CMKLR1: variants seen among roughly 807,000 people sequenced by gnomAD.
CMKLR1 encodes the protein chemerin chemokine-like receptor 1.
CMKLR1 carries 6 observed loss-of-function variants against 8.2 expected under a neutral mutation model. The observed-to-expected ratio is 0.73, with a 90% CI of 0.40 to 1.44. The LOEUF (loss-of-function observed/expected upper bound fraction) is 1.44. Among genes scored for constraint, CMKLR1 ranks in the 40% most tolerant of loss-of-function variants. The pLI is 0.02. For synonymous variants in CMKLR1, 178 were observed against 181.2 expected (o/e 0.98, Z 0.14); for missense variants, 429 against 478.0 (o/e 0.90, Z 0.96).
At chr12:108,300,173 C>G (rs1184411771) in intron 2 of CMKLR1, among the ~76,000 whole-genome samples, 1 of 152,224 alleles carries the variant, frequency 6.6e-6, no homozygotes, top group Non-Finnish European at 1.5e-5. Flanking sequence ...GTGGCTTGAG[C>G]TTACTCACAG....
chr12:108,325,060 G>A (rs1891950437), intron 2 of CMKLR1, among the ~76,000 whole-genome samples: 1 of 152,236 alleles, frequency 6.6e-6, no homozygotes, highest in Non-Finnish European at 1.5e-5. Context: ...AGGAAAAGGA[G>A]GAGGGAGAAG....
At position 108,304,228 on chromosome 12, in the gene CMKLR1, T is replaced by A. The variant is rs544774432; in HGVS notation, c.-73-10564A>T. On this transcript the variant is annotated intron_variant, in intron 2 of 3. Transcript: ENST00000550402. ...ATACTCTCCAGGCACCAAGAACCAC[T>A]GCTCCCTCTTGCCCCTCAGCCTAGA... 2.0e-5 allele frequency among the ~76,000 whole-genome samples: 3 copies of A among 152,294 alleles called. No individual in the cohort carries two copies. In the East Asian group the frequency reaches 5.8e-4, roughly 29 times the overall value.
In CMKLR1 at chr12:108,329,983, C is replaced by G. The variant is rs1016536942; in HGVS notation, c.-74+12G>C. On this transcript the variant is annotated intron_variant, in intron 2 of 3. Transcript: ENST00000550402. ...GATAGACTCTAACATCCCACCCTGC[C>G]CCAATACTCACATGTCACGCCTCCC... 5 of 152,118 alleles carry G rather than the reference C, an allele frequency of 3.3e-5. No individual in the cohort carries two copies. The highest frequency in any genetic ancestry group is 7.4e-5 in the Non-Finnish European group (5 of 68,022). The allele number at this position is 152,118 out of a possible 1,614,324, so 9.4% of individuals were successfully genotyped here.
intron 2 of CMKLR1, among the ~76,000 whole-genome samples, chr12:108,311,546 A>C (rs1199029542): frequency 6.6e-6 from 1 of 152,218 alleles, no homozygotes; most frequent in Non-Finnish European, 1.5e-5. Flanking sequence ...GGCTCGCTTG[A>C]GCCCAGGAAG....
chr12:108,291,860 C>T lies in CMKLR1; in HGVS notation c.1103G>A (p.Arg368Lys). The T allele has an allele frequency of 1.2e-6, 2 of 1,613,448 alleles. No individual in the cohort carries two copies. The highest frequency in any genetic ancestry group is 1.7e-6 in the Non-Finnish European group (2 of 1,179,636). ...TGAGGATCAAAGCATGCCGGTCTCC[C>T]TCTCATTCATAGAAGTCCTCTCATT... ...SMNERTSMNE[R>K]ETGML The change falls in exon 4 of 4, where the codon AGG (arginine) becomes AAG (lysine). Residue 368 changes from arginine (R) to lysine (K), a missense_variant. By Grantham distance (26) the Arg-to-Lys change is conservative. Transcript: ENST00000550402.
intron 3 of CMKLR1, 144 bp downstream of exon 3, chr12:108,293,445 T>C: frequency 1.3e-6 from 1 of 789,760 alleles, no homozygotes; most frequent in Admixed American, 2.4e-5. Flanking sequence ...CTAAGTGCAA[T>C]GAAGAAGAGG....
intron 2 of CMKLR1, among the ~76,000 whole-genome samples, chr12:108,329,764 T>C (rs1028871930): frequency 1.3e-5 from 2 of 152,206 alleles, no homozygotes; most frequent in African/African-American, 4.8e-5. Flanking sequence ...CTGTATCCCA[T>C]GCTCCTAGCA....
intron 2 of CMKLR1, among the ~76,000 whole-genome samples, chr12:108,320,823 G>A (rs1013469628): frequency 6.6e-6 from 1 of 152,156 alleles, no homozygotes. Flanking sequence ...AGAAACTCCA[G>A]CACAGCCATA....
intron 1 of CMKLR1, among the ~76,000 whole-genome samples, chr12:108,336,272 C>A (rs546604474): frequency 1.3e-5 from 2 of 152,100 alleles, no homozygotes; most frequent in African/African-American, 2.4e-5. Context: ...ATTGGCCGGG[C>A]GCAGTGGCTC....
Position 108,308,616 on chromosome 12 carries a change from C to T in CMKLR1, c.-73-14952G>A, listed in dbSNP as rs929540563. On this transcript the variant is annotated intron_variant, in intron 2 of 3. Coordinates refer to ENST00000550402, the MANE Select transcript of CMKLR1 (RefSeq NM_001142343.2). ...GAGCTGGGAATGAGGTTTGGCACCT[C>T]TTCTTGGGAGAGGTCAGAAAATAGA... 2.0e-5 allele frequency among the ~76,000 whole-genome samples: 3 copies of T among 152,292 alleles called. No individual in the cohort carries two copies. In the East Asian group the frequency reaches 5.8e-4, roughly 29 times the overall value.
chr12:108,311,730 T>C (rs558631366), intron 2 of CMKLR1, among the ~76,000 whole-genome samples: 4 of 152,186 alleles, frequency 2.6e-5, no homozygotes, highest in Non-Finnish European at 5.9e-5. Flanking sequence ...GGTGGGCCAC[T>C]GAGCATGGGC....
chr12:108,320,179 A>C (rs1891826343), intron 2 of CMKLR1, among the ~76,000 whole-genome samples: 1 of 152,154 alleles, frequency 6.6e-6, no homozygotes, highest in South Asian at 2.1e-4. Context: ...GCACTTTCAC[A>C]TGATACAGCT....
chr12:108,311,506 G>T (rs1322914721), intron 2 of CMKLR1, among the ~76,000 whole-genome samples: 1 of 152,152 alleles, frequency 6.6e-6, no homozygotes, highest in East Asian at 1.9e-4. Flanking sequence ...ACACCTTTTA[G>T]TCCCAGCTAC....
At chr12:108,304,802 C>T (rs907749277) in intron 2 of CMKLR1, among the ~76,000 whole-genome samples, 5 of 152,260 alleles carry the variant, frequency 3.3e-5, no homozygotes, top group Non-Finnish European at 5.9e-5. Flanking sequence ...CCAGCCCAAG[C>T]TTCCAGCAGC....
At position 108,293,582 on chromosome 12, in the gene CMKLR1, T is replaced by C; in HGVS notation, c.3+7A>G. The C allele has an allele frequency of 1.3e-6, 2 of 1,551,206 alleles. No individual in the cohort carries two copies. Among genetic ancestry groups the C allele is most frequent in the East Asian group, 2.4e-5 (1 of 40,882 alleles). The stretch of plus-strand genomic sequence containing the variant: ...CCTTTGGAGTTCAGACCACAAGACT[T>C]CCTCACCATTCACCGTTATGTTGTC... On this transcript the variant is annotated splice_region_variant and intron_variant, in intron 3 of 3. Transcript: ENST00000550402.
intron 2 of CMKLR1, among the ~76,000 whole-genome samples, chr12:108,303,771 C>G (rs529639551): frequency 1.6e-4 from 24 of 152,326 alleles, no homozygotes; most frequent in African/African-American, 5.8e-4. Flanking sequence ...GGGTCCCCTG[C>G]AATTTTCTCC....
intron 1 of CMKLR1, among the ~76,000 whole-genome samples, chr12:108,337,103 CAG>C (rs1892244168): frequency 2.0e-5 from 3 of 152,138 alleles, no homozygotes; most frequent in Admixed American, 6.5e-5. Context: ...TTATTGTGGC[CAG>C]AGAGTGGGAG....
At chr12:108,322,086 G>C (rs7314855) in intron 2 of CMKLR1, among the ~76,000 whole-genome samples, 3,548 of 152,262 alleles carry the variant, frequency 0.023, 147 homozygotes, top group African/African-American at 0.081. Context: ...GGGTAATCAG[G>C]TATATGTTAC....
intron 1 of CMKLR1, among the ~76,000 whole-genome samples, chr12:108,335,380 G>T (rs1373799705): frequency 2.0e-4 from 31 of 152,156 alleles, no homozygotes; most frequent in Admixed American, 2.0e-3. Context: ...ACTTTCTTTT[G>T]TCTTGTGCAC....
Sources: allele counts gnomAD v4.1 joint callset (sites outside exome capture counted in the v4.1 genomes callset), GRCh38; gene constraint gnomAD v4.1.1; transcripts MANE v1.5; gene names NCBI Gene and HGNC (gene_info 2026-07-23, HGNC 2026-07-21).